The following ZNF714 variants were observed in gnomAD, a reference collection of about 807,000 sequenced individuals.
The protein encoded by ZNF714 is zinc finger protein 714.
In ZNF714, 32 loss-of-function variants were observed where a neutral mutation model predicts 46.2. The ratio of observed to expected loss-of-function variants is 0.69; its 90% CI spans 0.52 to 0.93. ZNF714 has a LOEUF of 0.93. Among genes scored for constraint, ZNF714 ranks in the 40% least tolerant of loss-of-function variants. The probability of loss-of-function intolerance (pLI) is 0.00; values close to 1 mark genes in which losing one functional copy is unlikely to be tolerated. For missense variants in ZNF714, 635 were observed against 646.3 expected (o/e 0.98, Z 0.19); for synonymous variants, 199 against 213.1 (o/e 0.93, Z 0.58).
At position 21,123,461 on chromosome 19, in the gene ZNF714, T is replaced by G. The variant is rs1208870121; in HGVS notation, c.*5129T>G. 1.3e-5 allele frequency among the ~76,000 whole-genome samples: 2 copies of G among 152,042 alleles called. No individual in the cohort carries two copies. Among genetic ancestry groups the G allele is most frequent in the African/African-American group, 4.8e-5 (2 of 41,408 alleles). ...GCTCCGCCTTCCGGGTTCACGCCAT[T>G]CTCCCGCCTCAGCCTCCCGAGTAGC... On this transcript the variant is annotated 3_prime_UTR_variant, in exon 5 of 5. Transcript: ENST00000456283.
Position 21,118,451 on chromosome 19 carries a change from CAAAA to C in ZNF714, c.*133_*136del, listed in dbSNP as rs71176814. On this transcript the variant is annotated 3_prime_UTR_variant, in exon 5 of 5. Transcript: ENST00000456283. The stretch of plus-strand genomic sequence containing the variant: ...TGGGCCACAAGGCAAGACTCTGTCT[CAAAA>C]AAAAAAAAAAAAAGAAAAGAAAATT... 876 of 164,774 alleles carry C rather than the reference CAAAA, an allele frequency of 5.3e-3. No homozygotes were observed. The highest frequency in any genetic ancestry group is 0.02 in the Middle Eastern group (8 of 410). The allele number at this position is 164,774 out of a possible 1,614,324, so 10.2% of individuals were successfully genotyped here. A position where few individuals can be genotyped will look rare whatever the true frequency, so the allele number is the denominator to read the frequency against.
chr19:21,088,939 G>A (rs1968846035), intron 2 of ZNF714, among the ~76,000 whole-genome samples: 1 of 152,010 alleles, frequency 6.6e-6, no homozygotes, highest in Admixed American at 6.6e-5. Context: ...TTTCTCAGTG[G>A]GACATGGGGA....
At chr19:21,112,816 A>ATTTTTTTTTTCTTTTTTTTTTTTTTT (rs1969482631) in intron 4 of ZNF714, among the ~76,000 whole-genome samples, 1 of 43,210 alleles carries the variant, frequency 2.3e-5, no homozygotes, top group Non-Finnish European at 4.2e-5. Flanking sequence ...TTTATTTCTG[A>ATTTTTTTTTTCTTTTTTTTTTTTTTT]TTTTTTTTTT....
At chr19:21,095,670 G>T (rs1969019998) in intron 2 of ZNF714, among the ~76,000 whole-genome samples, 1 of 151,810 alleles carries the variant, frequency 6.6e-6, no homozygotes, top group Non-Finnish European at 1.5e-5. Context: ...GCTTCACTGT[G>T]GTCTCGATCT....
intron 4 of ZNF714, among the ~76,000 whole-genome samples, chr19:21,100,335 C>T (rs1969147582): frequency 6.6e-6 from 1 of 151,564 alleles, no homozygotes; most frequent in Non-Finnish European, 1.5e-5. Context: ...TCAGCCTGAC[C>T]AACATGGAGA....
In ZNF714 at chr19:21,116,895, A is replaced by G. The variant is rs1489605920; in HGVS notation, c.231A>G (p.Lys77=). 2.5e-5 allele frequency: 40 copies of G among 1,613,938 alleles called. No homozygotes were observed. Among genetic ancestry groups the G allele is most frequent in the Non-Finnish European group, 3.2e-5 (38 of 1,179,878 alleles). ...AAGTGATACTGAGAAGACATGGCAA[A>G]TGTGAACATGAGAATTTACAGTTAA... is the stretch of plus-strand genomic sequence containing the variant. ...FQQVILRRHG[K]CEHENLQLRK... Residue 77 remains lysine, a synonymous_variant, in exon 5 of 5, where the codon AAA becomes AAG. Transcript: ENST00000456283.
At chr19:21,096,580 A>G (rs73022640) in intron 2 of ZNF714, among the ~76,000 whole-genome samples, 11,542 of 152,238 alleles carry the variant, frequency 0.076, 502 homozygotes, top group Non-Finnish European at 0.086. Flanking sequence ...TCTCTAAAAA[A>G]TATTTCTATC....
At position 21,117,499 on chromosome 19, in the gene ZNF714, C is replaced by T. The variant is rs1437113082; in HGVS notation, c.835C>T (p.His279Tyr). ...AGCCCTTACTACACATAAGTTCATT[C>T]ATGTTAAAGAAAAACCCTACAAATG... is the stretch of plus-strand genomic sequence containing the variant. ...PSALTTHKFI[H>Y]VKEKPYKCEE... The change falls in exon 5 of 5, where the codon CAT becomes TAT. Residue 279 changes from histidine to tyrosine, a missense_variant. Physicochemically the swap from His to Tyr is moderately conservative, Grantham distance 83. Transcript: ENST00000456283. 6.2e-7 allele frequency: 1 copy of T among 1,608,852 alleles called. No individual in the cohort carries two copies. Among genetic ancestry groups the T allele is most frequent in the South Asian group, 1.1e-5 (1 of 90,742 alleles).
intron 2 of ZNF714, among the ~76,000 whole-genome samples, chr19:21,092,495 C>CAT (rs1968931808): frequency 6.6e-6 from 1 of 152,224 alleles, no homozygotes; most frequent in African/African-American, 2.4e-5. Context: ...AGAAATAAAT[C>CAT]AGAGTCCAGC....
At chr19:21,116,735 T>G (rs1969602709) in intron 4 of ZNF714, 72 bp from the exon 5 acceptor site, 1 of 1,472,826 alleles carries the variant, frequency 6.8e-7, no homozygotes, top group Non-Finnish European at 9.0e-7. Flanking sequence ...TTGTATAATA[T>G]AGGTTAGATT....
At chr19:21,086,658 T>G (rs1164193444) in intron 2 of ZNF714, among the ~76,000 whole-genome samples, 2 of 152,178 alleles carry the variant, frequency 1.3e-5, no homozygotes, top group Non-Finnish European at 2.9e-5. Context: ...AACTTGTATC[T>G]TTTGCTGACC....
At position 21,123,918 on chromosome 19, in the gene ZNF714, A is replaced by G. The variant is rs1375789473; in HGVS notation, c.*5586A>G. ...CCAACTCCTGGGTCATTTTCTCTGA[A>G]AAACATTTGGAGATCATGACAAGTT... is the stretch of plus-strand genomic sequence containing the variant. On this transcript the variant is annotated 3_prime_UTR_variant, in exon 5 of 5. Coordinates refer to ENST00000456283, the MANE Select transcript of ZNF714 (RefSeq NM_182515.4). The G allele has an allele frequency of 1.3e-5, 2 of 152,072 alleles. No homozygotes were observed. The highest frequency in any genetic ancestry group is 2.9e-5 in the Non-Finnish European group (2 of 67,994). 9.4% of individuals were successfully genotyped at this position (152,072 alleles called of 1,614,324 possible).
chr19:21,086,318 C>T (rs1159514150), intron 2 of ZNF714, among the ~76,000 whole-genome samples: 2 of 152,052 alleles, frequency 1.3e-5, no homozygotes, highest in African/African-American at 2.4e-5. Context: ...AGGGTGAGTC[C>T]ACACAGTAAA....
rs1279198258 is a variant in ZNF714 at position 21,123,520 on chromosome 19, A to G, written c.*5188A>G. Among the ~76,000 whole-genome samples the G allele has an allele frequency of 6.6e-6, 1 of 151,766 alleles. No homozygotes were observed. The highest frequency in any genetic ancestry group is 1.5e-5 in the Non-Finnish European group (1 of 67,936). On this transcript the variant is annotated 3_prime_UTR_variant, in exon 5 of 5. Coordinates refer to ENST00000456283, the MANE Select transcript of ZNF714 (RefSeq NM_182515.4). ...CAGGCGCCCGCTACCGCACCCGTCT[A>G]ATTTTTTTGTATTTTTAGTAGAGAC...
Position 21,117,203 on chromosome 19 carries a change from A to C in ZNF714, c.539A>C (p.Lys180Thr). 1.2e-6 allele frequency: 2 copies of C among 1,614,094 alleles called. No homozygotes were observed. The highest frequency in any genetic ancestry group is 8.5e-7 in the Non-Finnish European group (1 of 1,179,952). ...ENSYQCEECDKVFKRFSTLTR... is the reference protein window; with the variant it reads ...ENSYQCEECDTVFKRFSTLTR... ...TCTTACCAATGTGAAGAATGTGACA[A>C]AGTGTTTAAGCGGTTCTCAACCCTT... Residue 180 changes from lysine (K) to threonine (T), a missense_variant, in exon 5 of 5, where the codon AAA becomes ACA. Lys to Thr is a moderately conservative substitution (Grantham distance 78, BLOSUM62 -1). Transcript: ENST00000456283.
chr19:21,107,514 C>CCCTCCCAAAATGCTGGGATTGA (rs1568279457), intron 4 of ZNF714, among the ~76,000 whole-genome samples: 1 of 140,538 alleles, frequency 7.1e-6, no homozygotes, highest in African/African-American at 3.3e-5. Flanking sequence ...GCTGGGATTG[C>CCCTCCCAAAATGCTGGGATTGA]AGGTGTAAGC....
chr19:21,083,535 G>C (rs887987441), intron 1 of ZNF714, among the ~76,000 whole-genome samples: 1 of 152,132 alleles, frequency 6.6e-6, no homozygotes, highest in African/African-American at 2.4e-5. Context: ...TAAATTTCCA[G>C]TTCCTCCTGG....
intron 4 of ZNF714, among the ~76,000 whole-genome samples, chr19:21,115,106 G>A: frequency 6.6e-6 from 1 of 151,584 alleles, no homozygotes; most frequent in East Asian, 1.9e-4. Flanking sequence ...ATAAAACAGT[G>A]TATTTTAATC....
At chr19:21,114,192 A>G (rs1468075161) in intron 4 of ZNF714, among the ~76,000 whole-genome samples, 1 of 152,012 alleles carries the variant, frequency 6.6e-6, no homozygotes, top group Admixed American at 6.6e-5. Context: ...TAATCCCAGC[A>G]CTTTGGGAGG....
Sources: gnomAD v4.1 joint callset for allele counts (sites outside exome capture counted in the v4.1 genomes callset) on GRCh38, gnomAD v4.1.1 for gene constraint, MANE v1.5 for transcripts, NCBI Gene and HGNC (gene_info 2026-07-23, HGNC 2026-07-21) for gene names.